UBE2U: variants seen among roughly 807,000 people sequenced by gnomAD.
The protein encoded by UBE2U is ubiquitin conjugating enzyme E2 U, also known as ubiquitin-conjugating enzyme E2 U.
In UBE2U, 39 loss-of-function variants were observed where a neutral mutation model predicts 41.2. That is an observed-to-expected ratio of 0.95 (90% CI 0.73 to 1.24). The LOEUF (loss-of-function observed/expected upper bound fraction) is 1.24, where lower values mean the gene tolerates loss of function less well. Ranked by LOEUF, UBE2U falls within the 50% of genes most tolerant of loss-of-function variation. The pLI is 0.00. For synonymous variants in UBE2U, 107 were observed against 117.8 expected, an observed-to-expected ratio of 0.91 and a Z score of 0.60; for missense variants, 336 against 363.1, an observed-to-expected ratio of 0.93 and a Z score of 0.61.
intron 7 of UBE2U, among the ~76,000 whole-genome samples, chr1:64,237,404 A>T (rs532839339): frequency 6.6e-6 from 1 of 152,120 alleles, no homozygotes; most frequent in African/African-American, 2.4e-5. Context: ...GCAATAGAGG[A>T]TGCTTTCCTA....
At chr1:64,266,939 T>A in intron 9 of UBE2U, 85 bp from the exon 10 acceptor site, 4 of 1,268,222 alleles carry the variant, frequency 3.2e-6, no homozygotes, top group Non-Finnish European at 4.3e-6. Flanking sequence ...TTTGGCATTA[T>A]CCTACAAATG....
Position 64,241,684 on chromosome 1 carries a change from T to C in UBE2U, c.628T>C (p.Tyr210His), listed in dbSNP as rs995681820. The C allele has an allele frequency of 1.2e-5, 20 of 1,609,704 alleles. No individual in the cohort carries two copies. The highest frequency in any genetic ancestry group is 1.7e-5 in the Non-Finnish European group (20 of 1,178,278). The change falls in exon 8 of 10, where the codon TAC becomes CAC. Residue 210 changes from tyrosine (Y) to histidine (H), a missense_variant. Physicochemically the swap from Tyr to His is moderately conservative, Grantham distance 83. Transcript: ENST00000371077. ...AGTTCCAAATTTCATTGGACAGTAT[T>C]ACAAATGGAAGAAAATGGATCTACA... ...LKVPNFIGQY[Y>H]KWKKMDLQHQ...
chr1:64,204,193 A>G (rs1176949666), intron 1 of UBE2U, 77 bp downstream of exon 1: 11 of 1,392,786 alleles, frequency 7.9e-6, no homozygotes, highest in South Asian at 1.3e-5. Context: ...ATTTTATTCT[A>G]TAAGTAGTAA....
At chr1:64,219,022 T>C (rs1457252208) in intron 5 of UBE2U, among the ~76,000 whole-genome samples, 1 of 152,172 alleles carries the variant, frequency 6.6e-6, no homozygotes, top group Non-Finnish European at 1.5e-5. Flanking sequence ...GCCTGCTGGG[T>C]TGGAGCTCCT....
chr1:64,209,277 A>G (rs1031768870), intron 3 of UBE2U, among the ~76,000 whole-genome samples: 1 of 152,098 alleles, frequency 6.6e-6, no homozygotes, highest in African/African-American at 2.4e-5. Context: ...AGGGAACTTT[A>G]GTCTCTAGGA....
intron 8 of UBE2U, among the ~76,000 whole-genome samples, chr1:64,251,539 T>C (rs72667269): frequency 0.019 from 2,865 of 152,176 alleles, 41 homozygotes; most frequent in African/African-American, 0.044. Context: ...TGGGACTGAC[T>C]AGGCAATCAG....
chr1:64,238,220 C>A (rs1419185297), intron 7 of UBE2U, among the ~76,000 whole-genome samples: 2 of 152,034 alleles, frequency 1.3e-5, no homozygotes, highest in Non-Finnish European at 2.9e-5. Flanking sequence ...GCCTGGCCAA[C>A]ATGGCGAAAC....
chr1:64,204,610 C>T (rs1228199838), intron 1 of UBE2U, among the ~76,000 whole-genome samples: 1 of 152,172 alleles, frequency 6.6e-6, no homozygotes, highest in East Asian at 1.9e-4. Context: ...ACATAAATGC[C>T]TTCCCTTTAT....
chr1:64,218,466 A>G (rs1211398696), intron 5 of UBE2U, among the ~76,000 whole-genome samples: 1 of 152,192 alleles, frequency 6.6e-6, no homozygotes, highest in Admixed American at 6.5e-5. Flanking sequence ...TTAGAGGACA[A>G]ATAATAGGAA....
intron 7 of UBE2U, among the ~76,000 whole-genome samples, chr1:64,233,029 A>G (rs1056772035): frequency 1.3e-5 from 2 of 150,266 alleles, no homozygotes; most frequent in Non-Finnish European, 3.0e-5. Flanking sequence ...TTTTTTCGAG[A>G]TGGAGTCTGG....
intron 8 of UBE2U, among the ~76,000 whole-genome samples, chr1:64,245,030 CAG>C (rs923080387): frequency 6.6e-6 from 1 of 152,124 alleles, no homozygotes; most frequent in Non-Finnish European, 1.5e-5. Flanking sequence ...TAGTTGGAAA[CAG>C]TGATTGAAAA....
At position 64,203,925 on chromosome 1, in the gene UBE2U, G is replaced by C. The variant is rs1297875853; in HGVS notation, c.-126G>C. ...CCGCTTATCTTGGTACCGTTCTGAG[G>C]TTCTAGAAAGCAAGTAACTTATATC... On this transcript the variant is annotated 5_prime_UTR_variant, in exon 1 of 10. Transcript: ENST00000371077. The C allele has an allele frequency of 6.9e-6, 5 of 720,926 alleles. No individual in the cohort carries two copies. Among genetic ancestry groups the C allele is most frequent in the Non-Finnish European group, 1.1e-5 (5 of 451,002 alleles). 44.7% of individuals were successfully genotyped at this position (720,926 alleles called of 1,614,324 possible).
intron 9 of UBE2U, among the ~76,000 whole-genome samples, chr1:64,261,012 A>C (rs1645172789): frequency 6.6e-6 from 1 of 152,234 alleles, no homozygotes; most frequent in Non-Finnish European, 1.5e-5. Context: ...ACAGAGCACT[A>C]ATAAACTGAT....
At position 64,267,329 on chromosome 1, in the gene UBE2U, CT is replaced by C. The variant is rs1220696249; in HGVS notation, c.*122del. ...TTTTTAAGTTGTTCTCACCCACTCA[CT>C]GCAAGTACAAATTAGAAATATAAGT... On this transcript the variant is annotated 3_prime_UTR_variant, in exon 10 of 10. Coordinates refer to ENST00000371077, the MANE Select transcript of UBE2U (RefSeq NM_001366232.2). 1.3e-5 allele frequency: 10 copies of C among 758,002 alleles called. No homozygotes were observed. The African/African-American group carries it at 1.8e-4, about 14-fold the overall frequency. 47.0% of individuals were successfully genotyped at this position (758,002 alleles called of 1,614,324 possible).
rs148293664 is a variant in UBE2U, at chr1:64,204,364, T to C, written c.66+248T>C. 9.5e-3 allele frequency among the ~76,000 whole-genome samples: 1,449 copies of C among 152,314 alleles called. 10 individuals are homozygous for C. Among genetic ancestry groups the C allele is most frequent in the Non-Finnish European group, 0.015 (1,038 of 68,026 alleles). On this transcript the variant is annotated intron_variant, in intron 1 of 9. Coordinates refer to ENST00000371077, the MANE Select transcript of UBE2U (RefSeq NM_001366232.2). Reference sequence around the variant, plus strand: ...GAGTAATTTATGTGGATCTAGGCACTGAATATCAGGGTCTGTCATGTAGTT... The same window carrying C: ...GAGTAATTTATGTGGATCTAGGCACCGAATATCAGGGTCTGTCATGTAGTT...
intron 5 of UBE2U, among the ~76,000 whole-genome samples, chr1:64,216,806 C>G (rs1412102565): frequency 6.6e-6 from 1 of 152,200 alleles, no homozygotes; most frequent in Non-Finnish European, 1.5e-5. Context: ...GACAAGAAGA[C>G]CAAGCTCTAA....
chr1:64,239,157 A>AAGAAGAAGG, intron 7 of UBE2U, among the ~76,000 whole-genome samples: 5 of 37,064 alleles, frequency 1.3e-4, no homozygotes, highest in African/African-American at 3.4e-4. Flanking sequence ...GAAGAAGAAG[A>AAGAAGAAGG]AAGAAGAAGA....
chr1:64,251,839 A>G (rs562911577), intron 8 of UBE2U, among the ~76,000 whole-genome samples: 2 of 152,184 alleles, frequency 1.3e-5, no homozygotes, highest in Non-Finnish European at 2.9e-5. Flanking sequence ...GTGAGGCACC[A>G]GATCCACCCA....
rs566093111 is a variant in UBE2U at position 64,215,031 on chromosome 1, G to C, written c.457+99G>C. 4 of 829,488 alleles carry C rather than the reference G, an allele frequency of 4.8e-6. No homozygotes were observed. In the African/African-American group the frequency reaches 6.8e-5, roughly 14 times the overall value. The allele number at this position is 829,488 out of a possible 1,614,324, so 51.4% of individuals were successfully genotyped here. A position where few individuals can be genotyped will look rare whatever the true frequency, so the allele number is the denominator to read the frequency against. On this transcript the variant is annotated intron_variant, in intron 5 of 9. Transcript: ENST00000371077. The stretch of plus-strand genomic sequence containing the variant: ...GTGGATCATCTGAGGTCCGGAGTTC[G>C]AGACCAGCCTGACCAACATGGAGAA...
Sources: allele counts gnomAD v4.1 joint callset (sites outside exome capture counted in the v4.1 genomes callset), GRCh38; gene constraint gnomAD v4.1.1; transcripts MANE v1.5; gene names NCBI Gene and HGNC (gene_info 2026-07-23, HGNC 2026-07-21).